Variants in ATP11B observed in about 807,000 individuals in gnomAD.
ATP11B encodes the protein ATPase phospholipid transporting 11B (putative).
In ATP11B, 81 loss-of-function variants were observed where a neutral mutation model predicts 157.8. The observed-to-expected ratio is 0.51, with a 90% CI of 0.43 to 0.62. ATP11B has a LOEUF of 0.62. Among genes scored for constraint, ATP11B ranks in the 20% least tolerant of loss-of-function variants. The pLI is 0.00. For synonymous variants in ATP11B, 451 were observed against 469.4 expected, an observed-to-expected ratio of 0.96 and a Z score of 0.51; for missense variants, 1,165 against 1,402.2, an observed-to-expected ratio of 0.83 and a Z score of 2.70.
chr3:182,820,196 A>T, intron 1 of ATP11B, 64 bp from the exon 2 acceptor site: 1 of 1,053,516 alleles, frequency 9.5e-7, no homozygotes, highest in Middle Eastern at 2.0e-4. Flanking sequence ...TAAAGCTAAC[A>T]GTAAAGTATC....
chr3:182,795,559 A>T (rs1460556530), intron 1 of ATP11B, among the ~76,000 whole-genome samples: 1 of 152,190 alleles, frequency 6.6e-6, no homozygotes, highest in African/African-American at 2.4e-5. Context: ...CTTAACAGGG[A>T]TGGTTAACGA....
chr3:182,876,394 A>G (rs1402808159), intron 19 of ATP11B, among the ~76,000 whole-genome samples: 1 of 152,158 alleles, frequency 6.6e-6, no homozygotes, highest in African/African-American at 2.4e-5. Flanking sequence ...TATGCTAATC[A>G]TTAGTATTTG....
chr3:182,795,922 A>G (rs1428054478), intron 1 of ATP11B, among the ~76,000 whole-genome samples: 1 of 152,200 alleles, frequency 6.6e-6, no homozygotes, highest in African/African-American at 2.4e-5. Context: ...AACTAGGACA[A>G]ATTTGGGGAA....
chr3:182,822,225 C>T (rs147081452), intron 2 of ATP11B, among the ~76,000 whole-genome samples: 1,819 of 151,952 alleles, frequency 0.012, 14 homozygotes, highest in Middle Eastern at 0.027. Context: ...CCCATTAACT[C>T]GTCATTTACA....
rs1016007809 is a variant in ATP11B, at chr3:182,902,500, CT to C, written c.3318+3731del. On this transcript the variant is annotated intron_variant, in intron 28 of 29. Coordinates refer to ENST00000323116, the MANE Select transcript of ATP11B (RefSeq NM_014616.3). ...TTATAGATGTACTCCAACACAGTTG[CT>C]TTAAGTGACGAGTTCATCGCACTGC... 3 of 1,289,308 alleles carry C rather than the reference CT, an allele frequency of 2.3e-6. No individual in the cohort carries two copies. The African/African-American group carries it at 4.6e-5, about 20-fold the overall frequency. 79.9% of individuals were successfully genotyped at this position (1,289,308 alleles called of 1,614,324 possible). A position where few individuals can be genotyped will look rare whatever the true frequency, so the allele number is the denominator to read the frequency against.
At chr3:182,858,745 C>T (rs1188503399) in intron 11 of ATP11B, among the ~76,000 whole-genome samples, 2 of 152,076 alleles carry the variant, frequency 1.3e-5, no homozygotes, top group African/African-American at 4.8e-5. Context: ...CTTTTAACCT[C>T]GCAGTTATTT....
intron 20 of ATP11B, among the ~76,000 whole-genome samples, chr3:182,880,498 AGAG>A: frequency 6.6e-6 from 1 of 152,288 alleles, no homozygotes; most frequent in East Asian, 1.9e-4. Context: ...TTTTACTACA[AGAG>A]GAAACAATTA....
chr3:182,873,980 C>T lies in ATP11B; in HGVS notation c.2217C>T (p.Ser739=), dbSNP rs1285957906. ...ILELINQKSD[S]ECAEQLRQLA... Reference sequence around the variant, plus strand: ...AACTTATAAACCAGAAATCAGACAGCGAGTGTGCTGAACAATTGAGGCAGC... The same window carrying T: ...AACTTATAAACCAGAAATCAGACAGTGAGTGTGCTGAACAATTGAGGCAGC... The change falls in exon 19 of 30, where the codon AGC becomes AGT. Residue 739 remains serine (S), a synonymous_variant. Transcript: ENST00000323116. 6 of 1,613,812 alleles carry T rather than the reference C, an allele frequency of 3.7e-6. No individual in the cohort carries two copies. Among genetic ancestry groups the T allele is most frequent in the East Asian group, 2.2e-5 (1 of 44,868 alleles).
intron 19 of ATP11B, among the ~76,000 whole-genome samples, chr3:182,877,757 C>T (rs1005095375): frequency 3.9e-5 from 6 of 152,046 alleles, no homozygotes; most frequent in Non-Finnish European, 7.4e-5. Context: ...ATAGATGGGA[C>T]AGGGTATGAA....
At chr3:182,845,009 T>TTTTTTTTTTTTTTTTTTTTTTTA (rs1560081876) in intron 8 of ATP11B, among the ~76,000 whole-genome samples, 1 of 112,090 alleles carries the variant, frequency 8.9e-6, no homozygotes, top group Non-Finnish European at 1.7e-5. Flanking sequence ...TTTTTTTATT[T>TTTTTTTTTTTTTTTTTTTTTTTA]TTTTTTATTT....
chr3:182,830,120 G>A (rs556194778), intron 4 of ATP11B: 2 of 251,238 alleles, frequency 8.0e-6, no homozygotes, highest in African/African-American at 4.6e-5. Flanking sequence ...TTTATAGAGA[G>A]CAGGGTATAT....
rs1723031128 is a variant in ATP11B, at chr3:182,889,508, T to G, written c.2942T>G (p.Leu981Ter). 1 of 1,569,012 alleles carries G rather than the reference T, an allele frequency of 6.4e-7. No individual in the cohort carries two copies. Among genetic ancestry groups the G allele is most frequent in the Non-Finnish European group, 8.6e-7 (1 of 1,164,026 alleles). Residue 981 changes from leucine to a stop codon, truncating the protein, a stop_gained, in exon 25 of 30, where the codon TTA becomes TGA. Transcript: ENST00000323116. LOFTEE classifies it high-confidence loss of function. ...HAFIFFFGSYLLIGKDTSLLG... is the reference protein window; with the variant it reads ...HAFIFFFGSY ...TTTATTTTCTTTTTTGGATCCTATT[T>G]ACTAATAGGGAAAGATACATCTCTG...
intron 3 of ATP11B, among the ~76,000 whole-genome samples, chr3:182,829,379 T>C (rs1476740559): frequency 6.6e-6 from 1 of 152,206 alleles, no homozygotes; most frequent in African/African-American, 2.4e-5. Flanking sequence ...CTTCAGCATT[T>C]ATCAGGATGT....
At position 182,872,199 on chromosome 3, in the gene ATP11B, ATTAT is replaced by A. The variant is rs1294881698; in HGVS notation, c.1867-150_1867-147del. Among the ~76,000 whole-genome samples, 7 of 152,236 alleles carry A rather than the reference ATTAT, an allele frequency of 4.6e-5. No individual in the cohort carries two copies. The East Asian group carries it at 1.3e-3, about 29-fold the overall frequency. On this transcript the variant is annotated intron_variant, in intron 17 of 29. Coordinates refer to ENST00000323116, the MANE Select transcript of ATP11B (RefSeq NM_014616.3). ...ACTCAGATCAGTAGAGCTTTGTGAC[ATTAT>A]TTATTTCCTGTCACTAGGTGATAGT...
At chr3:182,858,184 G>A (rs1277577055) in intron 11 of ATP11B, among the ~76,000 whole-genome samples, 156 bp downstream of exon 11, 1 of 152,244 alleles carries the variant, frequency 6.6e-6, no homozygotes, top group Non-Finnish European at 1.5e-5. Context: ...AGAGAAGCCA[G>A]CGTGTTTGTA....
chr3:182,855,140 A>T (rs746280780), intron 10 of ATP11B, among the ~76,000 whole-genome samples: 6 of 152,206 alleles, frequency 3.9e-5, no homozygotes, highest in Non-Finnish European at 8.8e-5. Context: ...ATTGCTATTG[A>T]TGTTAAGTGT....
intron 9 of ATP11B, among the ~76,000 whole-genome samples, chr3:182,847,093 CAGGCTGG>C (rs1719592950): frequency 6.7e-6 from 1 of 150,016 alleles, no homozygotes; most frequent in South Asian, 2.1e-4. Context: ...CTCTGTTGCC[CAGGCTGG>C]AGTATAGTTG....
At position 182,848,596 on chromosome 3, in the gene ATP11B, ACT is replaced by A. The variant is rs374384518; in HGVS notation, c.851+42_851+43del. ...TTTCATTTATTTATATGTAATTATA[ACT>A]CTACATTTTTTATTCGTTTGGTATA... On this transcript the variant is annotated intron_variant, in intron 10 of 29. Coordinates refer to ENST00000323116, the MANE Select transcript of ATP11B (RefSeq NM_014616.3). 237 of 1,167,190 alleles carry A rather than the reference ACT, an allele frequency of 2.0e-4. 3 individuals are homozygous for A. The highest frequency in any genetic ancestry group is 1.5e-3 in the South Asian group (72 of 49,202). The allele number at this position is 1,167,190 out of a possible 1,614,324, so 72.3% of individuals were successfully genotyped here. A position where few individuals can be genotyped will look rare whatever the true frequency, so the allele number is the denominator to read the frequency against.
intron 28 of ATP11B, among the ~76,000 whole-genome samples, chr3:182,903,608 G>A (rs1724123156): frequency 6.6e-6 from 1 of 152,130 alleles, no homozygotes; most frequent in Non-Finnish European, 1.5e-5. Flanking sequence ...TTACAGATGA[G>A]TATACAAATG....
Sources: allele counts gnomAD v4.1 joint callset (sites outside exome capture counted in the v4.1 genomes callset), GRCh38; gene constraint gnomAD v4.1.1; transcripts MANE v1.5; gene names NCBI Gene and HGNC (gene_info 2026-07-23, HGNC 2026-07-21).